The following DYNLRB1 variants were observed in gnomAD, a reference collection of about 807,000 sequenced individuals.
The protein encoded by DYNLRB1 is dynein light chain roadblock-type 1, also known as ROBL/LC7-like 1.
In DYNLRB1, 6 loss-of-function variants were observed where a neutral mutation model predicts 13.5. The ratio of observed to expected loss-of-function variants is 0.44; its 90% confidence interval spans 0.24 to 0.88. DYNLRB1 has a LOEUF of 0.88. Among genes scored for constraint, DYNLRB1 ranks in the 40% least tolerant of loss-of-function variants. The pLI is 0.21. For missense variants in DYNLRB1, 93 were observed against 127.2 expected (o/e 0.73, Z 1.29); for synonymous variants, 43 against 45.0 (o/e 0.96, Z 0.18).
intron 3 of DYNLRB1, chr20:34,536,333 C>T (rs1981137612): frequency 1.0e-6 from 1 of 985,380 alleles, no homozygotes; most frequent in African/African-American, 1.7e-5. Context: ...CTGAGCCACC[C>T]TGCCTGGTTG....
chr20:34,526,222 A>T, intron 1 of DYNLRB1, 46 bp from the exon 2 acceptor site: 2 of 1,605,438 alleles, frequency 1.2e-6, no homozygotes, highest in Non-Finnish European at 1.7e-6. Flanking sequence ...GAGGAAGTTA[A>T]TCCTGCCTAT....
chr20:34,536,827 G>A (rs1201229347), intron 3 of DYNLRB1, among the ~76,000 whole-genome samples: 1 of 152,008 alleles, frequency 6.6e-6, no homozygotes, highest in Non-Finnish European at 1.5e-5. Context: ...CTCCCCAGTG[G>A]CCCACTGGGA....
At chr20:34,521,670 C>A (rs986970701) in intron 1 of DYNLRB1, among the ~76,000 whole-genome samples, 4 of 152,150 alleles carry the variant, frequency 2.6e-5, no homozygotes, top group African/African-American at 9.7e-5. Context: ...CATCTGGGAA[C>A]TAGAGAATTG....
intron 1 of DYNLRB1, among the ~76,000 whole-genome samples, chr20:34,519,601 C>CA (rs1428369794): frequency 2.0e-5 from 3 of 152,122 alleles, no homozygotes; most frequent in African/African-American, 7.2e-5. Context: ...ACACATTTTT[C>CA]TGTGTTATTA....
chr20:34,540,700 A>G lies in DYNLRB1; in HGVS notation c.*76A>G. On this transcript the variant is annotated 3_prime_UTR_variant, in exon 4 of 4. Transcript: ENST00000357156. The stretch of plus-strand genomic sequence containing the variant: ...ATGTTAATGTCAATCATGTCAGTGG[A>G]CTAGCACATGGCAGTCGCTTGGAAC... 6.7e-7 allele frequency: 1 copy of G among 1,490,188 alleles called. No individual in the cohort carries two copies. The highest frequency in any genetic ancestry group is 1.2e-5 in the South Asian group (1 of 86,634). 92.3% of individuals were successfully genotyped at this position (1,490,188 alleles called of 1,614,324 possible). A position where few individuals can be genotyped will look rare whatever the true frequency, so the allele number is the denominator to read the frequency against.
chr20:34,529,503 CG>C (rs1035735530), intron 2 of DYNLRB1, among the ~76,000 whole-genome samples: 4 of 152,012 alleles, frequency 2.6e-5, no homozygotes, highest in Non-Finnish European at 5.9e-5. Context: ...CCGAGGCGGG[CG>C]TATCACCTGA....
intron 1 of DYNLRB1, 65 bp downstream of exon 1, chr20:34,516,526 TC>T: frequency 6.2e-7 from 1 of 1,603,674 alleles, no homozygotes; most frequent in Middle Eastern, 1.7e-4. Context: ...CCTTCAGTCT[TC>T]CGAGGATGAG....
intron 3 of DYNLRB1, 111 bp downstream of exon 3, chr20:34,534,906 A>G: frequency 6.4e-7 from 1 of 1,559,624 alleles, no homozygotes; most frequent in Non-Finnish European, 8.7e-7. Context: ...GCAGGGCCCG[A>G]GGAGTTGAAG....
chr20:34,521,973 G>A (rs1250374787), intron 1 of DYNLRB1, among the ~76,000 whole-genome samples: 1 of 152,084 alleles, frequency 6.6e-6, no homozygotes, highest in Non-Finnish European at 1.5e-5. Flanking sequence ...GGGAGGTCAA[G>A]GCTGCAGTGA....
intron 3 of DYNLRB1, 56 bp downstream of exon 3, chr20:34,534,851 G>A (rs886075634): frequency 5.6e-6 from 9 of 1,611,784 alleles, no homozygotes; most frequent in Non-Finnish European, 7.6e-6. Flanking sequence ...CATTCTCTGT[G>A]GCTCATCAGG....
intron 1 of DYNLRB1, among the ~76,000 whole-genome samples, chr20:34,521,202 G>A (rs528362754): frequency 1.8e-4 from 27 of 152,176 alleles, no homozygotes; most frequent in African/African-American, 6.3e-4. Flanking sequence ...AGTAGAGACA[G>A]GGTTTCCCCA....
chr20:34,529,723 C>G, intron 2 of DYNLRB1: 1 of 830,912 alleles, frequency 1.2e-6, no homozygotes, highest in Non-Finnish European at 1.6e-6. Context: ...GAATGAAACT[C>G]GGTCTCAAAA....
chr20:34,518,101 G>T (rs1373964457), intron 1 of DYNLRB1, among the ~76,000 whole-genome samples: 1 of 148,240 alleles, frequency 6.7e-6, no homozygotes, highest in Non-Finnish European at 1.5e-5. Context: ...TTTATGGTAG[G>T]TTTTTTTTTT....
chr20:34,540,459 CT>C, intron 3 of DYNLRB1, 121 bp from the exon 4 acceptor site: 3 of 902,186 alleles, frequency 3.3e-6, no homozygotes, highest in Non-Finnish European at 5.1e-6. Context: ...AACGTTGATG[CT>C]TTTTGTTGCT....
intron 1 of DYNLRB1, among the ~76,000 whole-genome samples, chr20:34,524,829 T>C (rs1231993695): frequency 6.6e-6 from 1 of 151,872 alleles, no homozygotes; most frequent in African/African-American, 2.4e-5. Flanking sequence ...GTTCACGCCA[T>C]TCTTCTGCCT....
At chr20:34,540,454 T>G in intron 3 of DYNLRB1, 127 bp from the exon 4 acceptor site, 1 of 865,330 alleles carries the variant, frequency 1.2e-6, no homozygotes, top group Non-Finnish European at 1.8e-6. Flanking sequence ...TGCTGAACGT[T>G]GATGCTTTTT....
intron 3 of DYNLRB1, chr20:34,536,604 G>C (rs1247946853): frequency 2.6e-6 from 1 of 386,940 alleles, no homozygotes; most frequent in Non-Finnish European, 3.5e-6. Context: ...AATTAGCTGG[G>C]CATGGTGGCG....
chr20:34,536,920 G>T (rs1403602694), intron 3 of DYNLRB1, among the ~76,000 whole-genome samples: 16 of 152,080 alleles, frequency 1.1e-4, no homozygotes, highest in Admixed American at 1.0e-3. Flanking sequence ...TTGGCATAAA[G>T]CTCCTGAGAA....
Position 34,540,680 on chromosome 20 carries a change from A to C in DYNLRB1, c.*56A>C. On this transcript the variant is annotated 3_prime_UTR_variant, in exon 4 of 4. Coordinates refer to ENST00000357156, the MANE Select transcript of DYNLRB1 (RefSeq NM_014183.4). Reference sequence around the variant, plus strand: ...TAATTTAATGCCCCCCAAGAATGTTAATGTCAATCATGTCAGTGGACTAGC... The same window carrying C: ...TAATTTAATGCCCCCCAAGAATGTTCATGTCAATCATGTCAGTGGACTAGC... 6.4e-7 allele frequency: 1 copy of C among 1,565,410 alleles called. No homozygotes were observed. Among genetic ancestry groups the C allele is most frequent in the Non-Finnish European group, 8.8e-7 (1 of 1,138,058 alleles).
Sources: gnomAD v4.1 joint callset for allele counts (sites outside exome capture counted in the v4.1 genomes callset) on GRCh38, gnomAD v4.1.1 for gene constraint, MANE v1.5 for transcripts, NCBI Gene and HGNC (gene_info 2026-07-23, HGNC 2026-07-21) for gene names.